CSMD2: variants seen among roughly 807,000 people sequenced by gnomAD.
The protein encoded by CSMD2 is CUB and sushi domain-containing protein 2.
A neutral mutation model predicts 398.5 loss-of-function variants in CSMD2; 130 were observed. The ratio of observed to expected loss-of-function variants is 0.33; its 90% CI spans 0.28 to 0.38. The LOEUF (loss-of-function observed/expected upper bound fraction) is 0.38. CSMD2 is among the 10% of genes least tolerant of loss of function. The probability of loss-of-function intolerance (pLI) is 1.00; values close to 1 mark genes in which losing one functional copy is unlikely to be tolerated. For missense variants in CSMD2, 3,829 were observed against 4,764.9 expected (o/e 0.80, Z 5.78); for synonymous variants, 1,828 against 1,908.5 (o/e 0.96, Z 1.10).
At chr1:33,545,933 C>T (rs10914742) in intron 57 of CSMD2, 104 bp downstream of exon 57, 233,614 of 1,095,770 alleles carry the variant, frequency 0.21, 26,729 homozygotes, top group East Asian at 0.35. Flanking sequence ...CAAATGGGGC[C>T]ACGGTTTTTT....
rs34850622 is a variant in CSMD2 at position 33,569,530 on chromosome 1, G to A, written c.7975C>T (p.Leu2659Phe). 4.3e-6 allele frequency: 7 copies of A among 1,614,040 alleles called. No homozygotes were observed. Among genetic ancestry groups the A allele is most frequent in the South Asian group, 1.1e-5 (1 of 91,066 alleles). ...CGGTGGCCATTGGGGGGAATCGGGAGCTCTCCACAGGAGATGACTAAAATG... is the reference window on the plus strand; with the variant it reads ...CGGTGGCCATTGGGGGGAATCGGGAACTCTCCACAGGAGATGACTAAAATG... Reference protein sequence around the residue: ...PTCRIISCGELPIPPNGHRIG... With the variant: ...PTCRIISCGEFPIPPNGHRIG... The change falls in exon 52 of 71, where the codon CTC (leucine) becomes TTC (phenylalanine). Residue 2659 changes from leucine to phenylalanine, a missense_variant. Physicochemically the swap from Leu to Phe is conservative, Grantham distance 22. This residue lies in a region of CSMD2 where 723 missense variants were observed against 758.6 expected (regional missense o/e 0.95). Transcript: ENST00000373381.
chr1:33,755,023 T>G (rs940110333), intron 13 of CSMD2, among the ~76,000 whole-genome samples: 25 of 152,234 alleles, frequency 1.6e-4, no homozygotes, highest in African/African-American at 6.0e-4. Flanking sequence ...GATGGATTGC[T>G]AGGCACTGTT....
intron 60 of CSMD2, among the ~76,000 whole-genome samples, chr1:33,539,202 G>A (rs539707821): frequency 1.1e-4 from 16 of 152,096 alleles, no homozygotes; most frequent in African/African-American, 2.9e-4. Context: ...TCCTGACCTC[G>A]TGATCCACCC....
chr1:33,858,792 C>CAGCA (rs1024175452), intron 5 of CSMD2, among the ~76,000 whole-genome samples: 4 of 152,184 alleles, frequency 2.6e-5, no homozygotes, highest in African/African-American at 9.7e-5. Flanking sequence ...GCCATCAAAG[C>CAGCA]AGCAGCCACA....
rs369068488 is a variant in CSMD2 at position 33,576,953 on chromosome 1, A to G, written c.7576+343T>C. Among the ~76,000 whole-genome samples, 391 of 151,762 alleles carry G rather than the reference A, an allele frequency of 2.6e-3. 1 individual carries two copies. The highest frequency in any genetic ancestry group is 0.01 in the Middle Eastern group (3 of 294). ...AGTGTTTGATCAACCCACTTGCTCT[A>G]TGAGCCGGAACCCAAGCATCCCCTC... On this transcript the variant is annotated intron_variant, in intron 49 of 70. Transcript: ENST00000373381.
At chr1:33,844,520 T>C (rs574348856) in intron 6 of CSMD2, among the ~76,000 whole-genome samples, 1 of 152,328 alleles carries the variant, frequency 6.6e-6, no homozygotes, top group South Asian at 2.1e-4. Context: ...CCTTGCACTA[T>C]GCGGTCTCAG....
intron 6 of CSMD2, among the ~76,000 whole-genome samples, chr1:33,828,814 T>C (rs984744395): frequency 3.3e-5 from 5 of 152,216 alleles, no homozygotes; most frequent in Admixed American, 3.3e-4. Context: ...CCTAACCTAA[T>C]GGATCTGTGC....
At chr1:34,027,913 G>A (rs1287553759) in intron 3 of CSMD2, among the ~76,000 whole-genome samples, 1 of 147,692 alleles carries the variant, frequency 6.8e-6, no homozygotes, top group Non-Finnish European at 1.5e-5. Context: ...TGGGAGTCAG[G>A]AGGAGGAGGA....
At chr1:33,962,569 C>T (rs1645401775) in intron 3 of CSMD2, among the ~76,000 whole-genome samples, 2 of 152,182 alleles carry the variant, frequency 1.3e-5, no homozygotes, top group African/African-American at 4.8e-5. Context: ...ACAGCTTCCC[C>T]TCTTACTCAG....
chr1:33,701,777 T>C (rs1306730203), intron 22 of CSMD2, among the ~76,000 whole-genome samples: 1 of 152,172 alleles, frequency 6.6e-6, no homozygotes, highest in Non-Finnish European at 1.5e-5. Flanking sequence ...ATAATACAAG[T>C]TCAAAGAGTT....
intron 19 of CSMD2, 79 bp from the exon 20 acceptor site, chr1:33,716,580 A>G (rs1041666038): frequency 2.0e-6 from 2 of 1,010,850 alleles, no homozygotes; most frequent in Non-Finnish European, 3.0e-6. Context: ...ATCTACACAA[A>G]CATTTCCAGT....
intron 3 of CSMD2, among the ~76,000 whole-genome samples, chr1:34,029,251 G>C (rs1254842640): frequency 6.6e-6 from 1 of 152,134 alleles, no homozygotes; most frequent in African/African-American, 2.4e-5. Flanking sequence ...CTGCAATGGA[G>C]GAAGGGGGCT....
chr1:33,633,383 G>T lies in CSMD2; in HGVS notation c.5200+39C>A, dbSNP rs1396540112. ...TCCTTTAGCCGGACGTGATGCCCCC[G>T]GCCCACAACCATCCCCACACTGGCC... On this transcript the variant is annotated intron_variant, in intron 32 of 70. Coordinates refer to ENST00000373381, the MANE Select transcript of CSMD2 (RefSeq NM_001281956.2). This position sits in a 1 kb window ranked among gnomAD's most constrained non-coding sequence, Gnocchi z 5.0. 1 of 1,455,670 alleles carries T rather than the reference G, an allele frequency of 6.9e-7. No individual in the cohort carries two copies. The highest frequency in any genetic ancestry group is 1.4e-5 in the African/African-American group (1 of 71,162). The allele number at this position is 1,455,670 out of a possible 1,614,324, so 90.2% of individuals were successfully genotyped here.
At chr1:33,806,751 G>T (rs938172608) in intron 10 of CSMD2, among the ~76,000 whole-genome samples, 2 of 152,150 alleles carry the variant, frequency 1.3e-5, no homozygotes, top group African/African-American at 2.4e-5. Context: ...TTCATAAAGT[G>T]CAGACTACAT....
chr1:34,090,166 T>G (rs943131227), intron 1 of CSMD2, among the ~76,000 whole-genome samples: 43 of 152,212 alleles, frequency 2.8e-4, no homozygotes, highest in Admixed American at 6.5e-5. Flanking sequence ...CAGACCTCAC[T>G]GTGCACACGC....
intron 2 of CSMD2, among the ~76,000 whole-genome samples, chr1:34,087,612 T>TATAATAATAATAATAATA (rs71717621): frequency 7.2e-6 from 1 of 138,370 alleles, no homozygotes; most frequent in Non-Finnish European, 1.5e-5. Flanking sequence ...GAACTTAAAG[T>TATAATAATAATAATAATA]ATAATAATAA....
chr1:34,085,796 CAGTT>C (rs1196266616), intron 2 of CSMD2, among the ~76,000 whole-genome samples: 1 of 152,018 alleles, frequency 6.6e-6, no homozygotes, highest in Non-Finnish European at 1.5e-5. Context: ...ATCTCTTGGT[CAGTT>C]AGTTTATAAA....
chr1:33,698,114 A>G (rs1373993111), intron 24 of CSMD2, among the ~76,000 whole-genome samples: 4 of 152,254 alleles, frequency 2.6e-5, no homozygotes, highest in South Asian at 2.1e-4. Context: ...AGAACAACCA[A>G]TTTTGCCTAT....
chr1:33,867,604 T>G (rs1414987107), intron 5 of CSMD2, among the ~76,000 whole-genome samples: 2 of 152,268 alleles, frequency 1.3e-5, no homozygotes, highest in Non-Finnish European at 2.9e-5. Context: ...CTTATAATTC[T>G]AGAAGAGACT....
Sources: gnomAD v4.1 joint callset for allele counts (sites outside exome capture counted in the v4.1 genomes callset) on GRCh38, gnomAD v4.1.1 for gene constraint, gnomAD v4.1.1 regional missense constraint, Gnocchi (gnomAD v3.1) non-coding constraint, MANE v1.5 for transcripts, NCBI Gene and HGNC (gene_info 2026-07-23, HGNC 2026-07-21) for gene names.